RAB5B: variants seen among roughly 807,000 people sequenced by gnomAD.
RAB5B encodes the protein ras-related protein Rab-5B.
Under a neutral mutation model 28.6 loss-of-function variants are expected in RAB5B, and 11 were observed. The observed-to-expected ratio is 0.38, with a 90% CI of 0.24 to 0.64. The LOEUF (loss-of-function observed/expected upper bound fraction) is 0.64. Ranked by LOEUF, RAB5B falls within the 30% of genes least tolerant of loss-of-function variation. RAB5B has a pLI of 0.53. For synonymous variants in RAB5B, 93 were observed against 97.9 expected (o/e 0.95, Z 0.29); for missense variants, 169 against 265.6 (o/e 0.64, Z 2.53).
intron 2 of RAB5B, among the ~76,000 whole-genome samples, chr12:55,988,711 C>A (rs1019795602): frequency 1.3e-4 from 20 of 152,038 alleles, no homozygotes; most frequent in African/African-American, 4.6e-4. Flanking sequence ...CCGTGTTGGC[C>A]AGGCTGGTCT....
At chr12:55,983,232 C>A (rs1889858113) in intron 1 of RAB5B, among the ~76,000 whole-genome samples, 3 of 152,154 alleles carry the variant, frequency 2.0e-5, no homozygotes, top group African/African-American at 7.2e-5. Context: ...GCATGTGGCG[C>A]TACACCCAGC....
Position 55,989,937 on chromosome 12 carries a change from T to C in RAB5B, c.164-10T>C, listed in dbSNP as rs1200307895. The C allele has an allele frequency of 6.2e-7, 1 of 1,608,422 alleles. No homozygotes were observed. Among genetic ancestry groups the C allele is most frequent in the African/African-American group, 1.3e-5 (1 of 74,772 alleles). ...TTACAGCATCTTCCCCTCCATTCTC[T>C]CATCCATAGCGGCCTTCCTCACCCA... is the stretch of plus-strand genomic sequence containing the variant. On this transcript the variant is annotated splice_polypyrimidine_tract_variant and intron_variant, in intron 2 of 5. Coordinates refer to ENST00000360299, the MANE Select transcript of RAB5B (RefSeq NM_002868.4).
chr12:55,981,068 CTATT>C (rs749338284), intron 1 of RAB5B: 13 of 1,581,204 alleles, frequency 8.2e-6, no homozygotes, highest in Admixed American at 1.7e-5. Flanking sequence ...AGGGATGGGG[CTATT>C]TATTTATTTT....
chr12:55,975,440 G>A (rs12817671), intron 1 of RAB5B, among the ~76,000 whole-genome samples: 2,241 of 152,196 alleles, frequency 0.015, 26 homozygotes, highest in Non-Finnish European at 0.022. Flanking sequence ...GAAGTATCTG[G>A]GGAAGATGGT....
intron 5 of RAB5B, 31 bp downstream of exon 5, chr12:55,991,484 T>A (rs752537412): frequency 1.9e-6 from 3 of 1,566,504 alleles, no homozygotes; most frequent in Non-Finnish European, 2.6e-6. Flanking sequence ...GGTCCTCCTT[T>A]TTCCCTCGTT....
At chr12:55,974,349 G>C (rs974507278) in intron 1 of RAB5B, among the ~76,000 whole-genome samples, 53 of 152,240 alleles carry the variant, frequency 3.5e-4, no homozygotes, top group Non-Finnish European at 4.4e-5. Flanking sequence ...GGTGAGTCGG[G>C]AAGGCGGCTG....
chr12:55,990,283 C>T (rs1291366865), intron 3 of RAB5B, 185 bp downstream of exon 3: 2 of 595,158 alleles, frequency 3.4e-6, no homozygotes, highest in Non-Finnish European at 5.6e-6. Flanking sequence ...TGGTGCGCGC[C>T]TGTAGTCCCA....
chr12:55,974,846 CTT>C (rs1362909259), intron 1 of RAB5B, among the ~76,000 whole-genome samples: 1 of 152,034 alleles, frequency 6.6e-6, no homozygotes, highest in African/African-American at 2.4e-5. Context: ...AGTACACACT[CTT>C]TTGTTCCCTT....
chr12:55,983,517 C>T (rs1249407781), intron 1 of RAB5B, among the ~76,000 whole-genome samples: 1 of 152,066 alleles, frequency 6.6e-6, no homozygotes, highest in Non-Finnish European at 1.5e-5. Context: ...GACTGACTGA[C>T]CAAGGGGACT....
rs780896424 is a variant in RAB5B at position 55,993,818 on chromosome 12, G to A, written c.*1606G>A. ...CTGTTCCTGTGGAGAGGGAATGACC[G>A]GCACTGAAGGTACCTTACAACTGGC... On this transcript the variant is annotated 3_prime_UTR_variant, in exon 6 of 6. Transcript: ENST00000360299. 3.9e-5 allele frequency: 6 copies of A among 152,482 alleles called. No homozygotes were observed. Among genetic ancestry groups the A allele is most frequent in the South Asian group, 2.1e-4 (1 of 4,818 alleles). 9.4% of individuals were successfully genotyped at this position (152,482 alleles called of 1,614,324 possible).
intron 1 of RAB5B, among the ~76,000 whole-genome samples, chr12:55,986,061 T>C (rs1397012403): frequency 1.3e-5 from 2 of 152,188 alleles, no homozygotes; most frequent in African/African-American, 4.8e-5. Flanking sequence ...ATATAAAGGA[T>C]ACAGCAGCAA....
At chr12:55,985,539 C>A in intron 1 of RAB5B, 1 of 305,422 alleles carries the variant, frequency 3.3e-6, no homozygotes, top group Non-Finnish European at 6.6e-6. Context: ...GAAATGTATT[C>A]AGATTTAGAC....
chr12:55,985,476 T>C (rs2136481763), intron 1 of RAB5B: 1 of 278,086 alleles, frequency 3.6e-6, no homozygotes, highest in Non-Finnish European at 7.2e-6. Flanking sequence ...GCTCTGCCTA[T>C]GCTAACTTCC....
At chr12:55,980,613 G>C in intron 1 of RAB5B, 1 of 1,599,940 alleles carries the variant, frequency 6.3e-7, no homozygotes, top group Non-Finnish European at 8.6e-7. Flanking sequence ...CCATGCTCTC[G>C]AGCCAACTTA....
In RAB5B at chr12:55,990,787, C is replaced by A. The variant is rs768522306; in HGVS notation, c.421C>A (p.Arg141Ser). 1 of 1,613,992 alleles carries A rather than the reference C, an allele frequency of 6.2e-7. No individual in the cohort carries two copies. Among genetic ancestry groups the A allele is most frequent in the Middle Eastern group, 1.7e-4 (1 of 6,060 alleles). ...GAACAAAGCTGACCTGGCCAACAAA[C>A]GTATGGTGGAGTATGAAGTAAGGTG... is the stretch of plus-strand genomic sequence containing the variant. Reference protein sequence around the residue: ...AGNKADLANKRMVEYEEAQAY... With the variant: ...AGNKADLANKSMVEYEEAQAY... Residue 141 changes from arginine (R) to serine (S), a missense_variant, in exon 4 of 6, where the codon CGT (arginine) becomes AGT (serine). Arg to Ser is a moderately radical substitution (Grantham distance 110, BLOSUM62 -1). Around this residue, in one of 3 missense-constraint regions of RAB5B, gnomAD observed 123 missense variants for 162.4 expected, o/e 0.76. Transcript: ENST00000360299.
At chr12:55,980,698 A>T in intron 1 of RAB5B, 2 of 1,581,592 alleles carry the variant, frequency 1.3e-6, no homozygotes, top group Admixed American at 1.7e-5. Context: ...GCTCCACCCC[A>T]GCTGAGGCAT....
At position 55,989,967 on chromosome 12, in the gene RAB5B, G is replaced by A. The variant is rs531655278; in HGVS notation, c.184G>A (p.Val62Ile). ...CATAGCGGCCTTCCTCACCCAGTCC[G>A]TTTGTCTAGATGACACAACAGTGAA... ...TIGAAFLTQS[V>I]CLDDTTVKFE... Residue 62 changes from valine to isoleucine, a missense_variant, in exon 3 of 6, where the codon GTT becomes ATT. Physicochemically the swap from Val to Ile is conservative, Grantham distance 29 (BLOSUM62 3). Around this residue, in one of 3 missense-constraint regions of RAB5B, gnomAD observed 43 missense variants for 85.8 expected, o/e 0.50. Coordinates refer to ENST00000360299, the MANE Select transcript of RAB5B (RefSeq NM_002868.4). 5.7e-5 allele frequency: 92 copies of A among 1,613,394 alleles called. 2 individuals are homozygous for A. In the South Asian group the frequency reaches 7.0e-4, roughly 12 times the overall value.
rs1207856151 is a variant in RAB5B, at chr12:55,995,999, A to AT, written c.*3788dup. ...TATATATATACATATATATATATAT[A>AT]TATATTTTTTTTTTAACAACTGGTA... On this transcript the variant is annotated 3_prime_UTR_variant, in exon 6 of 6. Transcript: ENST00000360299. 3.5e-5 allele frequency: 3 copies of AT among 85,806 alleles called. No individual in the cohort carries two copies. Among genetic ancestry groups the AT allele is most frequent in the African/African-American group, 1.6e-4 (3 of 18,374 alleles). The allele number at this position is 85,806 out of a possible 1,614,324, so 5.3% of individuals were successfully genotyped here.
intron 2 of RAB5B, 51 bp from the exon 3 acceptor site, chr12:55,989,896 C>A: frequency 6.4e-7 from 1 of 1,553,184 alleles, no homozygotes. Context: ...AGGGATGTTC[C>A]CATTCATCCT....
Sources: allele counts gnomAD v4.1 joint callset (sites outside exome capture counted in the v4.1 genomes callset), GRCh38; gene constraint gnomAD v4.1.1; regional missense constraint gnomAD v4.1.1; transcripts MANE v1.5; gene names NCBI Gene and HGNC (gene_info 2026-07-23, HGNC 2026-07-21).